Variants in NAV2 observed in about 807,000 individuals in gnomAD.
NAV2 encodes neuron navigator 2, also known as helicase, APC down-regulated 1.
NAV2 carries 54 observed loss-of-function variants against 223.2 expected under a neutral mutation model. That is an observed-to-expected ratio of 0.24 (90% CI 0.19 to 0.30). The LOEUF (loss-of-function observed/expected upper bound fraction) is 0.30, where lower values mean the gene tolerates loss of function less well. Ranked by LOEUF, NAV2 falls within the 10% of genes least tolerant of loss-of-function variation. NAV2 has a pLI of 1.00. For missense variants in NAV2, 2,806 were observed against 3,147.5 expected (o/e 0.89, Z 2.60); for synonymous variants, 1,279 against 1,239.3 (o/e 1.03, Z -0.67).
chr11:19,642,603 A>T (rs2047696046), intron 1 of NAV2, among the ~76,000 whole-genome samples: 2 of 152,118 alleles, frequency 1.3e-5, no homozygotes, highest in Admixed American at 1.3e-4. Context: ...GGCGCTGTAC[A>T]TGGAGTCAAC....
chr11:19,988,276 CACA>C (rs765980134), intron 11 of NAV2, among the ~76,000 whole-genome samples: 4 of 152,194 alleles, frequency 2.6e-5, no homozygotes. Flanking sequence ...CCATTGAGAG[CACA>C]ACGAGGACAG....
intron 1 of NAV2, among the ~76,000 whole-genome samples, chr11:19,437,369 A>G (rs755758910): frequency 6.6e-6 from 1 of 152,106 alleles, no homozygotes; most frequent in Non-Finnish European, 1.5e-5. Context: ...GTCATCCTTT[A>G]AATATTTATT....
At chr11:19,930,723 G>T (rs537058102) in intron 6 of NAV2, among the ~76,000 whole-genome samples, 108 of 152,248 alleles carry the variant, frequency 7.1e-4, no homozygotes, top group African/African-American at 1.8e-3. Context: ...CTGAATGAAT[G>T]AATGAAAACT....
chr11:19,713,775 TGCCCCCGGCCCGGGCGG>T lies in NAV2; in HGVS notation c.87_103del (p.Arg31LeufsTer18). The T allele has an allele frequency of 6.2e-7, 1 of 1,612,834 alleles. No homozygotes were observed. The highest frequency in any genetic ancestry group is 8.5e-7 in the Non-Finnish European group (1 of 1,179,714). ...CACAGCGCCGCGCCCATCCTGCACG[TGCCCCCGGCCCGGGCGG>T]GCCCCCAGCCCTGCTACCTGAAGTT... On this transcript the variant is annotated frameshift_variant, in exon 1 of 38. Transcript: ENST00000349880. LOFTEE classifies it high-confidence loss of function. The surrounding 1 kb of genome is among the most constrained non-coding windows in gnomAD (Gnocchi z 7.2).
intron 1 of NAV2, among the ~76,000 whole-genome samples, chr11:19,563,817 T>C (rs2045178196): frequency 6.6e-6 from 1 of 152,148 alleles, no homozygotes; most frequent in Non-Finnish European, 1.5e-5. Context: ...ACTCCTCCTG[T>C]AACATGAAGA....
intron 1 of NAV2, among the ~76,000 whole-genome samples, chr11:19,620,372 T>C (rs909112204): frequency 6.6e-6 from 1 of 152,244 alleles, no homozygotes; most frequent in African/African-American, 2.4e-5. Flanking sequence ...TTTCATGATA[T>C]TGATTCTTCC....
At chr11:19,718,289 C>G (rs2050468768) in intron 1 of NAV2, among the ~76,000 whole-genome samples, 1 of 152,062 alleles carries the variant, frequency 6.6e-6, no homozygotes, top group Non-Finnish European at 1.5e-5. Flanking sequence ...CATGCCTGAG[C>G]TATTTGAGGA....
chr11:19,600,446 G>A (rs567457956), intron 1 of NAV2, among the ~76,000 whole-genome samples: 61 of 152,316 alleles, frequency 4.0e-4, no homozygotes, highest in African/African-American at 1.4e-3. Context: ...AATTATAACA[G>A]TTGCCAATAT....
At chr11:20,012,743 A>G (rs1176659913) in intron 11 of NAV2, among the ~76,000 whole-genome samples, 2 of 152,076 alleles carry the variant, frequency 1.3e-5, no homozygotes, top group Non-Finnish European at 2.9e-5. Flanking sequence ...TACACTTTTA[A>G]TACTCAAACC....
intron 1 of NAV2, among the ~76,000 whole-genome samples, chr11:19,366,697 T>A (rs1330622208): frequency 6.6e-6 from 1 of 152,178 alleles, no homozygotes; most frequent in African/African-American, 2.4e-5. Flanking sequence ...AGTTCCCTCA[T>A]CTGTAAAATG....
intron 1 of NAV2, among the ~76,000 whole-genome samples, chr11:19,539,759 TG>T (rs2044291022): frequency 1.3e-5 from 2 of 152,120 alleles, no homozygotes; most frequent in African/African-American, 4.8e-5. Context: ...ATACTGAATT[TG>T]ATGCAATCAG....
At chr11:19,798,654 G>A (rs990846887) in intron 1 of NAV2, among the ~76,000 whole-genome samples, 9 of 152,194 alleles carry the variant, frequency 5.9e-5, no homozygotes, top group African/African-American at 1.7e-4. Context: ...ATCTGCAACT[G>A]ATACCGTGTC....
chr11:19,887,345 G>T (rs542320494), intron 5 of NAV2, among the ~76,000 whole-genome samples: 6 of 152,084 alleles, frequency 3.9e-5, no homozygotes, highest in Non-Finnish European at 7.4e-5. Context: ...TCCCTGGTGA[G>T]CCCAGGGAGG....
intron 1 of NAV2, among the ~76,000 whole-genome samples, chr11:19,624,709 A>T (rs2047112014): frequency 6.6e-6 from 1 of 152,164 alleles, no homozygotes; most frequent in Admixed American, 6.5e-5. Flanking sequence ...TTCCTGGGTG[A>T]GGCGATTCCT....
chr11:20,049,719 A>C (rs775289000), intron 15 of NAV2, 117 bp from the exon 16 acceptor site: 11 of 947,008 alleles, frequency 1.2e-5, no homozygotes, highest in Non-Finnish European at 1.9e-5. Context: ...CAGTTTCTGC[A>C]TATAGGGAAG....
intron 6 of NAV2, among the ~76,000 whole-genome samples, chr11:19,927,143 T>G (rs2044835314): frequency 6.6e-6 from 1 of 152,200 alleles, no homozygotes; most frequent in South Asian, 2.1e-4. Context: ...TTCCTTTTCT[T>G]CAAAGCCATC....
At chr11:20,114,062 C>A (rs1436966534) in intron 36 of NAV2, among the ~76,000 whole-genome samples, 1 of 152,128 alleles carries the variant, frequency 6.6e-6, no homozygotes, top group Non-Finnish European at 1.5e-5. Flanking sequence ...CCTCTGCCTG[C>A]AGTGTTGGTG....
At chr11:19,825,241 A>G (rs1377449905) in intron 1 of NAV2, among the ~76,000 whole-genome samples, 2 of 129,196 alleles carry the variant, frequency 1.5e-5, no homozygotes, top group African/African-American at 5.7e-5. Flanking sequence ...GCAGTGAGCC[A>G]AGATCACACC....
At chr11:19,939,867 T>A in intron 8 of NAV2, 94 bp downstream of exon 8, 1 of 746,818 alleles carries the variant, frequency 1.3e-6, no homozygotes, top group Non-Finnish European at 2.2e-6. Flanking sequence ...TGATTACGAG[T>A]TGCATTATGT....
Sources: gnomAD v4.1 joint callset for allele counts (sites outside exome capture counted in the v4.1 genomes callset) on GRCh38, gnomAD v4.1.1 for gene constraint, Gnocchi (gnomAD v3.1) non-coding constraint, MANE v1.5 for transcripts, NCBI Gene and HGNC (gene_info 2026-07-23, HGNC 2026-07-21) for gene names.